TAS1R1: variants seen among roughly 807,000 people sequenced by gnomAD.
TAS1R1 encodes the protein taste receptor type 1 member 1.
In TAS1R1, 31 loss-of-function variants were observed where a neutral mutation model predicts 45.8. That is an observed-to-expected ratio of 0.68 (90% CI 0.51 to 0.91). The LOEUF is 0.91. TAS1R1 is among the 40% of genes least tolerant of loss of function. TAS1R1 has a pLI of 0.00. For synonymous variants in TAS1R1, 437 were observed against 448.4 expected (o/e 0.97, Z 0.32); for missense variants, 1,051 against 1,063.9 (o/e 0.99, Z 0.17).
At chr1:6,562,969 T>C (rs896920493) in intron 1 of TAS1R1, among the ~76,000 whole-genome samples, 3 of 152,212 alleles carry the variant, frequency 2.0e-5, no homozygotes, top group African/African-American at 7.2e-5. Flanking sequence ...TCGTGTTTTA[T>C]TCTCCCACTG....
Position 6,558,209 on chromosome 1 carries a change from T to A in TAS1R1, c.191+2645T>A, listed in dbSNP as rs569108068. On this transcript the variant is annotated intron_variant, in intron 1 of 5. Transcript: ENST00000333172. Reference sequence around the variant, plus strand: ...ATGCCACCACTTACCGCTAATTTTTTAAATTTTTTATAGAGACAGGGTCTC... The same window carrying A: ...ATGCCACCACTTACCGCTAATTTTTAAAATTTTTTATAGAGACAGGGTCTC... 8.5e-5 allele frequency among the ~76,000 whole-genome samples: 13 copies of A among 152,156 alleles called. No homozygotes were observed. In the East Asian group the frequency reaches 1.7e-3, roughly 20 times the overall value.
rs376437777 is a variant in TAS1R1 at position 6,574,758 on chromosome 1, C to T, written c.626C>T (p.Thr209Ile). ...MVLLLQKFGW[T>I]WISLVGSSDD... ...CTGCTGCTGCAGAAGTTCGGGTGGACCTGGATCTCTCTGGTTGGCAGCAGT... is the reference window on the plus strand; with the variant it reads ...CTGCTGCTGCAGAAGTTCGGGTGGATCTGGATCTCTCTGGTTGGCAGCAGT... The change falls in exon 3 of 6, where the codon ACC becomes ATC. Residue 209 changes from threonine to isoleucine, a missense_variant. Coordinates refer to ENST00000333172, the MANE Select transcript of TAS1R1 (RefSeq NM_138697.4). The surrounding 1 kb of genome is among the most constrained non-coding windows in gnomAD (Gnocchi z 4.3). The T allele has an allele frequency of 1.7e-4, 268 of 1,614,136 alleles. 1 individual carries two copies. Among genetic ancestry groups the T allele is most frequent in the Admixed American group, 2.2e-4 (13 of 60,014 alleles).
chr1:6,555,667 T>A (rs1639663708), intron 1 of TAS1R1, 103 bp downstream of exon 1: 4 of 1,126,284 alleles, frequency 3.6e-6, no homozygotes, highest in Non-Finnish European at 5.0e-6. Flanking sequence ...CTTTGCCCCT[T>A]GAACTGTCCC....
At chr1:6,575,658 A>G (rs2148675733) in intron 3 of TAS1R1, among the ~76,000 whole-genome samples, 1 of 150,498 alleles carries the variant, frequency 6.6e-6, no homozygotes, top group East Asian at 2.0e-4. Flanking sequence ...AGCTGGGATT[A>G]CAGGCACCCA....
chr1:6,562,420 G>A (rs377613498), intron 1 of TAS1R1, among the ~76,000 whole-genome samples: 10 of 152,198 alleles, frequency 6.6e-5, no homozygotes, highest in South Asian at 2.1e-4. Flanking sequence ...CACTCGCCTC[G>A]GCCTCCCAAA....
chr1:6,576,713 C>G, intron 4 of TAS1R1, 86 bp downstream of exon 4: 1 of 1,525,042 alleles, frequency 6.6e-7, no homozygotes, highest in Non-Finnish European at 8.9e-7. Flanking sequence ...GTACAGGGAG[C>G]AGGAGGGGGG....
intron 2 of TAS1R1, among the ~76,000 whole-genome samples, chr1:6,573,540 C>T: frequency 6.6e-6 from 1 of 152,156 alleles, no homozygotes; most frequent in East Asian, 1.9e-4. Flanking sequence ...ACAGCAGTGG[C>T]CCCCAACCTT....
chr1:6,578,883 C>A lies in TAS1R1; in HGVS notation c.1825C>A (p.Leu609Met). 6.2e-7 allele frequency: 1 copy of A among 1,609,638 alleles called. No individual in the cohort carries two copies. Residue 609 changes from leucine to methionine, a missense_variant, in exon 6 of 6, where the codon CTG becomes ATG. Transcript: ENST00000333172. ...SAGGRLCFLM[L>M]GSLAAGSGSL... ...AGGGGGCCGCCTGTGCTTTCTTATG[C>A]TGGGCTCCCTGGCAGCAGGTAGTGG...
intron 2 of TAS1R1, among the ~76,000 whole-genome samples, chr1:6,573,755 C>T (rs530076126): frequency 6.6e-5 from 10 of 151,986 alleles, no homozygotes; most frequent in South Asian, 4.2e-4. Flanking sequence ...CTCCGCCTCC[C>T]GGGTTCACGC....
chr1:6,575,072 G>T lies in TAS1R1; in HGVS notation c.940G>T (p.Gly314Trp), dbSNP rs767970228. The part of the protein sequence containing the change: ...ALSRHITGVP[G>W]IQRIGMVLGV... ...CTCCAGGCACATCACTGGGGTGCCC[G>T]GGATCCAGCGCATTGGGATGGTGCT... The change falls in exon 3 of 6, where the codon GGG becomes TGG. Residue 314 changes from glycine to tryptophan, a missense_variant. Gly to Trp is a radical substitution (Grantham distance 184, BLOSUM62 -2). Transcript: ENST00000333172. 1 of 1,588,726 alleles carries T rather than the reference G, an allele frequency of 6.3e-7. No homozygotes were observed. Among genetic ancestry groups the T allele is most frequent in the South Asian group, 1.2e-5 (1 of 86,734 alleles).
At chr1:6,556,323 T>C (rs1639683220) in intron 1 of TAS1R1, among the ~76,000 whole-genome samples, 1 of 152,258 alleles carries the variant, frequency 6.6e-6, no homozygotes, top group East Asian at 1.9e-4. Context: ...AAATATAAAT[T>C]AGGTTGGTGC....
At position 6,579,156 on chromosome 1, in the gene TAS1R1, G is replaced by A. The variant is rs145948123; in HGVS notation, c.2098G>A (p.Val700Met). 6.2e-7 allele frequency: 1 copy of A among 1,614,214 alleles called. No homozygotes were observed. Among genetic ancestry groups the A allele is most frequent in the East Asian group, 2.2e-5 (1 of 44,878 alleles). Residue 700 changes from valine to methionine, a missense_variant, in exon 6 of 6, where the codon GTG (valine) becomes ATG (methionine). Transcript: ENST00000333172. ...GCTTATCTGTCTAACTTGGCTGGTGGTGTGGACCCCACTGCCTGCTAGGGA... is the reference window on the plus strand; with the variant it reads ...GCTTATCTGTCTAACTTGGCTGGTGATGTGGACCCCACTGCCTGCTAGGGA... ...QLLICLTWLV[V>M]WTPLPAREYQ... is the part of the protein sequence containing the mutation.
chr1:6,577,042 T>A lies in TAS1R1; in HGVS notation c.1566T>A (p.Cys522Ter). The change falls in exon 5 of 6, where the codon TGT becomes TGA. Residue 522 changes from cysteine (C) to a stop codon, truncating the protein, a stop_gained. Transcript: ENST00000333172. LOFTEE classifies it low-confidence loss of function (END_TRUNC). ...ACTGCTGCTTTGAGTGTGTGCCCTG[T>A]GGGGCTGGGACCTTCCTCAACAAGA... ...FHHCCFECVP[C>*]GAGTFLNKSD... 1 of 1,614,220 alleles carries A rather than the reference T, an allele frequency of 6.2e-7. No homozygotes were observed. The highest frequency in any genetic ancestry group is 8.5e-7 in the Non-Finnish European group (1 of 1,180,022).
intron 2 of TAS1R1, among the ~76,000 whole-genome samples, chr1:6,572,433 T>C (rs1278249226): frequency 6.6e-6 from 1 of 152,068 alleles, no homozygotes; most frequent in Admixed American, 6.5e-5. Flanking sequence ...CTAATTTTTG[T>C]ATTTTTTGTA....
chr1:6,563,725 A>T (rs1424319700), intron 1 of TAS1R1, among the ~76,000 whole-genome samples: 4 of 152,110 alleles, frequency 2.6e-5, no homozygotes, highest in African/African-American at 9.7e-5. Flanking sequence ...AGGTGTGGCT[A>T]CGTGGGGCAG....
At chr1:6,563,658 G>A (rs544880945) in intron 1 of TAS1R1, among the ~76,000 whole-genome samples, 1 of 152,222 alleles carries the variant, frequency 6.6e-6, no homozygotes, top group African/African-American at 2.4e-5. Flanking sequence ...CTGGTTTAGT[G>A]GGGAGGGAGT....
At position 6,578,894 on chromosome 1, in the gene TAS1R1, G is replaced by A. The variant is rs1385216911; in HGVS notation, c.1836G>A (p.Leu612=). 2.5e-6 allele frequency: 4 copies of A among 1,610,394 alleles called. No homozygotes were observed. The highest frequency in any genetic ancestry group is 3.4e-6 in the Non-Finnish European group (4 of 1,177,456). Residue 612 remains leucine (L), a synonymous_variant, in exon 6 of 6, where the codon CTG becomes CTA. Coordinates refer to ENST00000333172, the MANE Select transcript of TAS1R1 (RefSeq NM_138697.4). ...GRLCFLMLGS[L]AAGSGSLYGF... is the part of the protein sequence containing the mutation. Reference sequence around the variant, plus strand: ...TGTGCTTTCTTATGCTGGGCTCCCTGGCAGCAGGTAGTGGCAGCCTCTATG... The same window carrying A: ...TGTGCTTTCTTATGCTGGGCTCCCTAGCAGCAGGTAGTGGCAGCCTCTATG...
At chr1:6,578,540 CTAGTA>C in intron 5 of TAS1R1, 108 bp from the exon 6 acceptor site, 1 of 1,493,416 alleles carries the variant, frequency 6.7e-7, no homozygotes, top group Non-Finnish European at 8.9e-7. Context: ...CCCACTATGC[CTAGTA>C]TAGTCTAGCT....
rs780592455 is a variant in TAS1R1 at position 6,574,727 on chromosome 1, A to ATGGTGC, written c.598_603dup (p.Val200_Leu201dup). 2.5e-6 allele frequency: 4 copies of ATGGTGC among 1,614,246 alleles called. No individual in the cohort carries two copies. In the East Asian group the frequency reaches 8.9e-5, roughly 36 times the overall value. ...CAATGACAAGTACCAGGTGGAGACC[A>ATGGTGC]TGGTGCTGCTGCTGCAGAAGTTCGG... On this transcript the variant is annotated inframe_insertion, in exon 3 of 6. Transcript: ENST00000333172. This position sits in a 1 kb window ranked among gnomAD's most constrained non-coding sequence, Gnocchi z 4.3.
Sources: gnomAD v4.1 joint callset for allele counts (sites outside exome capture counted in the v4.1 genomes callset) on GRCh38, gnomAD v4.1.1 for gene constraint, Gnocchi (gnomAD v3.1) non-coding constraint, MANE v1.5 for transcripts, NCBI Gene and HGNC (gene_info 2026-07-23, HGNC 2026-07-21) for gene names.